Variants in EBF1 observed in about 807,000 individuals in gnomAD.
The protein encoded by EBF1 is EBF transcription factor 1.
EBF1 carries 10 observed loss-of-function variants against 68.4 expected under a neutral mutation model. The observed-to-expected ratio is 0.15, with a 90% CI of 0.09 to 0.25. EBF1 has a LOEUF of 0.25. EBF1 is among the 10% of genes least tolerant of loss of function. EBF1 has a pLI of 1.00. For synonymous variants in EBF1, 298 were observed against 299.8 expected, an observed-to-expected ratio of 0.99 and a Z score of 0.06; for missense variants, 509 against 794.4, an observed-to-expected ratio of 0.64 and a Z score of 4.32.
intron 6 of EBF1, among the ~76,000 whole-genome samples, chr5:159,027,366 G>A (rs895414468): frequency 6.6e-6 from 1 of 151,994 alleles, no homozygotes; most frequent in African/African-American, 2.4e-5. Context: ...ATACAATGTC[G>A]CTTCTTCCAG....
chr5:159,076,911 A>G (rs1056117145), intron 5 of EBF1, among the ~76,000 whole-genome samples: 2 of 152,226 alleles, frequency 1.3e-5, no homozygotes, highest in Non-Finnish European at 2.9e-5. Context: ...TGCAGCATTA[A>G]AAAGAATGAA....
chr5:158,713,413 C>G (rs1759908140), intron 12 of EBF1, among the ~76,000 whole-genome samples: 1 of 152,212 alleles, frequency 6.6e-6, no homozygotes, highest in African/African-American at 2.4e-5. Flanking sequence ...GCCCATTTGT[C>G]TGACTTTGAA....
Position 159,096,930 on chromosome 5 carries a change from G to T in EBF1, c.291+44C>A, listed in dbSNP as rs574255539. On this transcript the variant is annotated intron_variant, in intron 2 of 15. Coordinates refer to ENST00000313708, the MANE Select transcript of EBF1 (RefSeq NM_024007.5). ...GCCCAAGGCTCCCGGGCCTGCTCCCGAGCCGAGCCGGGGACGAGGGGCGAC... is the reference window on the plus strand; with the variant it reads ...GCCCAAGGCTCCCGGGCCTGCTCCCTAGCCGAGCCGGGGACGAGGGGCGAC... 6.5e-5 allele frequency: 104 copies of T among 1,603,298 alleles called. 1 individual carries two copies. The South Asian group carries it at 1.1e-3, about 17-fold the overall frequency.
In EBF1 at chr5:158,697,755, A is replaced by T. The variant is rs1231781764; in HGVS notation, c.*1356T>A. On this transcript the variant is annotated 3_prime_UTR_variant, in exon 16 of 16. Transcript: ENST00000313708. ...AGAACAACAACTTTGGCAAAAAATC[A>T]CAAAAAAAAAATCTACAGTATTTAT... 1 of 205,472 alleles carries T rather than the reference A, an allele frequency of 4.9e-6. No individual in the cohort carries two copies. The highest frequency in any genetic ancestry group is 9.9e-6 in the Non-Finnish European group (1 of 101,072). 12.7% of individuals were successfully genotyped at this position (205,472 alleles called of 1,614,324 possible).
intron 6 of EBF1, among the ~76,000 whole-genome samples, chr5:158,897,264 C>T (rs549657674): frequency 7.2e-5 from 11 of 152,184 alleles, no homozygotes; most frequent in South Asian, 4.1e-4. Context: ...ATGTCCTTTG[C>T]GGGACATGGA....
intron 6 of EBF1, among the ~76,000 whole-genome samples, chr5:159,033,883 C>T (rs1330786092): frequency 6.6e-6 from 1 of 152,162 alleles, no homozygotes; most frequent in Non-Finnish European, 1.5e-5. Context: ...TCCTACACCC[C>T]TTTGTCTCCT....
intron 6 of EBF1, among the ~76,000 whole-genome samples, chr5:158,867,505 G>A (rs1266458882): frequency 6.6e-6 from 1 of 152,092 alleles, no homozygotes; most frequent in African/African-American, 2.4e-5. Flanking sequence ...TGGAACTACA[G>A]AGACACTTTG....
chr5:158,920,147 A>G (rs1808081692), intron 6 of EBF1, among the ~76,000 whole-genome samples: 1 of 151,522 alleles, frequency 6.6e-6, no homozygotes, highest in Admixed American at 6.6e-5. Context: ...TGCTCATTAT[A>G]TACATATGTG....
intron 10 of EBF1, among the ~76,000 whole-genome samples, chr5:158,753,409 C>CT (rs1384270046): frequency 6.6e-6 from 1 of 152,056 alleles, no homozygotes; most frequent in Non-Finnish European, 1.5e-5. Context: ...TATAAAGGAA[C>CT]TTTTAGTGGA....
At chr5:158,766,827 C>A (rs998233221) in intron 10 of EBF1, among the ~76,000 whole-genome samples, 1 of 152,088 alleles carries the variant, frequency 6.6e-6, no homozygotes, top group Non-Finnish European at 1.5e-5. Context: ...CTATATAAAC[C>A]TATTGTGACT....
intron 11 of EBF1, among the ~76,000 whole-genome samples, chr5:158,718,482 C>T (rs181915276): frequency 2.8e-4 from 42 of 152,214 alleles, no homozygotes; most frequent in Non-Finnish European, 2.5e-4. Context: ...TCTGAAGCCT[C>T]GTACTGAAGG....
At chr5:158,704,207 C>T (rs767296098) in intron 15 of EBF1, among the ~76,000 whole-genome samples, 1 of 152,168 alleles carries the variant, frequency 6.6e-6, no homozygotes, top group African/African-American at 2.4e-5. Flanking sequence ...GGAATAAGCC[C>T]TCCTAGTCAG....
intron 10 of EBF1, among the ~76,000 whole-genome samples, chr5:158,753,249 A>G (rs1000467134): frequency 2.0e-5 from 3 of 152,134 alleles, no homozygotes; most frequent in Non-Finnish European, 2.9e-5. Flanking sequence ...TAATACATGT[A>G]TAACAGGAAA....
chr5:158,707,373 C>T (rs1478569241), intron 15 of EBF1, among the ~76,000 whole-genome samples: 5 of 152,174 alleles, frequency 3.3e-5, no homozygotes, highest in African/African-American at 1.2e-4. Flanking sequence ...AGCGATTGAA[C>T]AATTTTAATA....
rs79634448 is a variant in EBF1, at chr5:159,031,765, T to C, written c.554+41631A>G. On this transcript the variant is annotated intron_variant, in intron 6 of 15. Coordinates refer to ENST00000313708, the MANE Select transcript of EBF1 (RefSeq NM_024007.5). ...CATGGAAACCACAACACAGCAGGGC[T>C]CTCGCTGCGCTGCTGGCAGAAGTCT... 8.0e-3 allele frequency among the ~76,000 whole-genome samples: 1,211 copies of C among 152,252 alleles called. 71 individuals carry two copies. The East Asian group carries it at 0.16, about 20-fold the overall frequency.
chr5:159,010,257 T>C (rs898291562), intron 6 of EBF1, among the ~76,000 whole-genome samples: 31 of 152,134 alleles, frequency 2.0e-4, no homozygotes, highest in African/African-American at 7.0e-4. Context: ...GACAGAGGAA[T>C]GTAGTTTGCA....
chr5:158,723,846 A>T (rs1328854167), intron 11 of EBF1, among the ~76,000 whole-genome samples: 1 of 152,212 alleles, frequency 6.6e-6, no homozygotes, highest in East Asian at 1.9e-4. Context: ...CATGGGGGTC[A>T]TCGGCCTTTT....
At chr5:158,753,131 C>G (rs1769292343) in intron 10 of EBF1, among the ~76,000 whole-genome samples, 1 of 151,826 alleles carries the variant, frequency 6.6e-6, no homozygotes, top group Non-Finnish European at 1.5e-5. Context: ...TTTTTTTTAT[C>G]TAAACATGAT....
At chr5:158,883,170 GTGTATC>G (rs1296849185) in intron 6 of EBF1, among the ~76,000 whole-genome samples, 1 of 151,972 alleles carries the variant, frequency 6.6e-6, no homozygotes, top group African/African-American at 2.4e-5. Flanking sequence ...TTTGAAATGT[GTGTATC>G]TGTGTCTGTG....
Sources: gnomAD v4.1 joint callset for allele counts (sites outside exome capture counted in the v4.1 genomes callset) on GRCh38, gnomAD v4.1.1 for gene constraint, MANE v1.5 for transcripts, NCBI Gene and HGNC (gene_info 2026-07-23, HGNC 2026-07-21) for gene names.